ZFPM2: variants seen among roughly 807,000 people sequenced by gnomAD.
ZFPM2 encodes zinc finger protein, FOG family member 2.
Under a neutral mutation model 98.6 loss-of-function variants are expected in ZFPM2, and 20 were observed. The ratio of observed to expected loss-of-function variants is 0.20; its 90% CI spans 0.14 to 0.29. The LOEUF is 0.29. Among genes scored for constraint, ZFPM2 ranks in the 10% least tolerant of loss-of-function variants. The pLI is 1.00. For synonymous variants in ZFPM2, 518 were observed against 502.7 expected (o/e 1.03, Z -0.41); for missense variants, 1,310 against 1,388.6 (o/e 0.94, Z 0.90).
At chr8:105,371,411 G>C (rs1810619639) in intron 1 of ZFPM2, among the ~76,000 whole-genome samples, 1 of 152,108 alleles carries the variant, frequency 6.6e-6, no homozygotes, top group Non-Finnish European at 1.5e-5. Flanking sequence ...AATAATGGAG[G>C]GTGGAGATAG....
At chr8:105,348,561 A>C (rs1812582475) in intron 1 of ZFPM2, among the ~76,000 whole-genome samples, 1 of 152,184 alleles carries the variant, frequency 6.6e-6, no homozygotes, top group Non-Finnish European at 1.5e-5. Flanking sequence ...CACTTATAAG[A>C]AATGTAAAGA....
At chr8:105,672,104 G>A (rs577861484) in intron 5 of ZFPM2, among the ~76,000 whole-genome samples, 1 of 151,880 alleles carries the variant, frequency 6.6e-6, no homozygotes, top group Non-Finnish European at 1.5e-5. Context: ...ACAATAGTTG[G>A]TTCTATCTAT....
chr8:105,648,975 G>A (rs182654852), intron 5 of ZFPM2, among the ~76,000 whole-genome samples: 175 of 152,220 alleles, frequency 1.1e-3, no homozygotes, highest in Non-Finnish European at 4.6e-4. Flanking sequence ...GGGTAGTATG[G>A]CTATTTTCAC....
chr8:105,616,299 T>A (rs1816412627), intron 4 of ZFPM2, among the ~76,000 whole-genome samples: 1 of 152,150 alleles, frequency 6.6e-6, no homozygotes. Flanking sequence ...CAGCTTTTCA[T>A]CATGTAAGGG....
intron 3 of ZFPM2, among the ~76,000 whole-genome samples, chr8:105,479,488 C>T (rs1244682278): frequency 2.0e-5 from 3 of 152,104 alleles, no homozygotes; most frequent in Admixed American, 6.6e-5. Context: ...GCAAATTCTT[C>T]CAAAACATTT....
chr8:105,569,479 T>C (rs937548096), intron 4 of ZFPM2, among the ~76,000 whole-genome samples: 11 of 152,194 alleles, frequency 7.2e-5, no homozygotes, highest in Non-Finnish European at 1.6e-4. Flanking sequence ...GTTTTATTTG[T>C]TTATAGACTT....
chr8:105,486,795 A>G (rs1293936049), intron 3 of ZFPM2, among the ~76,000 whole-genome samples: 1 of 152,214 alleles, frequency 6.6e-6, no homozygotes, highest in Non-Finnish European at 1.5e-5. Context: ...TGTTTGTCAG[A>G]TGGACCAGAG....
intron 3 of ZFPM2, among the ~76,000 whole-genome samples, chr8:105,521,830 G>T (rs1814068307): frequency 6.6e-6 from 1 of 152,108 alleles, no homozygotes; most frequent in African/African-American, 2.4e-5. Flanking sequence ...GCCCACCTCG[G>T]CCTCCCAAAG....
intron 3 of ZFPM2, among the ~76,000 whole-genome samples, chr8:105,498,039 A>AC (rs1813510156): frequency 6.6e-6 from 1 of 151,240 alleles, no homozygotes; most frequent in Non-Finnish European, 1.5e-5. Context: ...AAAAAAAAAA[A>AC]AAAAAAACAA....
rs747023138 is a variant in ZFPM2 at position 105,516,983 on chromosome 8, AG to A, written c.302-44377del. On this transcript the variant is annotated intron_variant, in intron 3 of 7. Transcript: ENST00000407775. The stretch of plus-strand genomic sequence containing the variant: ...CTAACCATAGTGTTATTTTCTGTCC[AG>A]GGTCTTAAAAATGAAAAGAATCTTC... Among the ~76,000 whole-genome samples the A allele has an allele frequency of 2.1e-4, 32 of 152,294 alleles. No homozygotes were observed. The South Asian group carries it at 3.9e-3, about 19-fold the overall frequency.
intron 5 of ZFPM2, among the ~76,000 whole-genome samples, chr8:105,783,915 TGC>T (rs1400226664): frequency 1.3e-5 from 2 of 152,170 alleles, no homozygotes; most frequent in African/African-American, 4.8e-5. Flanking sequence ...AAAGTAGAAT[TGC>T]TAAAATCATA....
intron 3 of ZFPM2, among the ~76,000 whole-genome samples, chr8:105,509,074 A>G (rs1413838621): frequency 1.3e-5 from 2 of 152,164 alleles, no homozygotes; most frequent in Non-Finnish European, 2.9e-5. Flanking sequence ...TGAAAGGCCT[A>G]TATATAGCAG....
At chr8:105,656,231 G>C (rs1006436916) in intron 5 of ZFPM2, among the ~76,000 whole-genome samples, 2 of 152,078 alleles carry the variant, frequency 1.3e-5, no homozygotes, top group African/African-American at 4.8e-5. Flanking sequence ...AAACAAGCAA[G>C]TGATGAAACC....
chr8:105,540,267 T>C (rs1814547445), intron 3 of ZFPM2, among the ~76,000 whole-genome samples: 1 of 152,140 alleles, frequency 6.6e-6, no homozygotes, highest in Non-Finnish European at 1.5e-5. Flanking sequence ...GTTAAGCAAG[T>C]AGTCTTCATG....
At chr8:105,401,625 A>G (rs1811342574) in intron 1 of ZFPM2, among the ~76,000 whole-genome samples, 2 of 152,054 alleles carry the variant, frequency 1.3e-5, no homozygotes, top group Non-Finnish European at 2.9e-5. Flanking sequence ...TTGGAGTTTT[A>G]CCAGTTGTTT....
intron 1 of ZFPM2, among the ~76,000 whole-genome samples, chr8:105,398,658 T>C (rs1285624447): frequency 1.3e-5 from 2 of 152,130 alleles, no homozygotes; most frequent in African/African-American, 4.8e-5. Context: ...TTCATGGTCT[T>C]GTCAGAATTT....
At chr8:105,366,379 T>G (rs541702238) in intron 1 of ZFPM2, among the ~76,000 whole-genome samples, 1 of 152,298 alleles carries the variant, frequency 6.6e-6, no homozygotes, top group African/African-American at 2.4e-5. Flanking sequence ...AACATCTTTT[T>G]ACTTTTTTAA....
intron 4 of ZFPM2, among the ~76,000 whole-genome samples, chr8:105,579,346 TTAC>T (rs1221406668): frequency 6.6e-6 from 1 of 152,142 alleles, no homozygotes; most frequent in Non-Finnish European, 1.5e-5. Flanking sequence ...TAAAAAGAAC[TTAC>T]TTAATTGAGT....
intron 3 of ZFPM2, among the ~76,000 whole-genome samples, chr8:105,540,062 T>C (rs1220009795): frequency 1.3e-5 from 2 of 152,176 alleles, no homozygotes; most frequent in East Asian, 1.9e-4. Flanking sequence ...TTTTTTTCTT[T>C]CTTACTCTTG....
Sources: allele counts gnomAD v4.1 joint callset (sites outside exome capture counted in the v4.1 genomes callset), GRCh38; gene constraint gnomAD v4.1.1; transcripts MANE v1.5; gene names NCBI Gene and HGNC (gene_info 2026-07-23, HGNC 2026-07-21).